SERPINH1: variants seen among roughly 807,000 people sequenced by gnomAD.
SERPINH1 encodes the protein serpin H1.
A neutral mutation model predicts 32.3 loss-of-function variants in SERPINH1; 22 were observed. The ratio of observed to expected loss-of-function variants is 0.68; its 90% CI spans 0.49 to 0.97. SERPINH1 has a LOEUF of 0.97. Among genes scored for constraint, SERPINH1 ranks in the 50% least tolerant of loss-of-function variants. SERPINH1 has a pLI of 0.00. For missense variants in SERPINH1, 543 were observed against 576.4 expected (o/e 0.94, Z 0.59); for synonymous variants, 251 against 245.9 (o/e 1.02, Z -0.19).
At position 75,568,772 on chromosome 11, in the gene SERPINH1, C is replaced by A. The variant is rs747743316; in HGVS notation, c.664C>A (p.Arg222Ser). 1 of 1,613,800 alleles carries A rather than the reference C, an allele frequency of 6.2e-7. No individual in the cohort carries two copies. Among genetic ancestry groups the A allele is most frequent in the South Asian group, 1.1e-5 (1 of 91,056 alleles). Reference protein sequence around the residue: ...EKFHHKMVDNRGFMVTRSYTV... With the variant: ...EKFHHKMVDNSGFMVTRSYTV... Reference sequence around the variant, plus strand: ...ATTCCACCACAAGATGGTGGACAACCGTGGCTTCATGGTGACTCGGTCCTA... The same window carrying A: ...ATTCCACCACAAGATGGTGGACAACAGTGGCTTCATGGTGACTCGGTCCTA... The change falls in exon 3 of 5, where the codon CGT becomes AGT. Residue 222 changes from arginine (R) to serine (S), a missense_variant. Physicochemically the swap from Arg to Ser is moderately radical, Grantham distance 110 (BLOSUM62 -1). Transcript: ENST00000358171.
intron 4 of SERPINH1, 79 bp from the exon 5 acceptor site, chr11:75,571,702 G>T: frequency 7.4e-7 from 1 of 1,351,996 alleles, no homozygotes; most frequent in South Asian, 1.2e-5. Context: ...AGCGGTCAGG[G>T]TAGTATGGGG....
At chr11:75,567,793 T>C (rs1942117090) in intron 2 of SERPINH1, 1 of 152,194 alleles carries the variant, frequency 6.6e-6, no homozygotes, top group South Asian at 2.1e-4. Context: ...AGTACCTCCA[T>C]AGACAACACT....
Position 75,568,823 on chromosome 11 carries a change from C to T in SERPINH1, c.715C>T (p.Arg239Trp), listed in dbSNP as rs767729275. The change falls in exon 3 of 5, where the codon CGG becomes TGG. Residue 239 changes from arginine (R) to tryptophan (W), a missense_variant. This residue lies in a region of SERPINH1 where 427 missense variants were observed against 446.4 expected (regional missense o/e 0.96). Coordinates refer to ENST00000358171, the MANE Select transcript of SERPINH1 (RefSeq NM_001235.5). ...TACCGTGGGTGTCATGATGATGCAC[C>T]GGACAGGTAGGTGCTGTGAGGAGCA... ...SYTVGVMMMH[R>W]TGLYNYYDDE... 8 of 1,613,056 alleles carry T rather than the reference C, an allele frequency of 5.0e-6. No individual in the cohort carries two copies. The highest frequency in any genetic ancestry group is 4.5e-5 in the East Asian group (2 of 44,884).
At chr11:75,571,093 G>A (rs1279577802) in intron 4 of SERPINH1, among the ~76,000 whole-genome samples, 6 of 152,154 alleles carry the variant, frequency 3.9e-5, no homozygotes, top group Admixed American at 1.3e-4. Flanking sequence ...GTGTGTGTGT[G>A]TGTATGTGTG....
chr11:75,571,473 C>G (rs1053876270), intron 4 of SERPINH1, among the ~76,000 whole-genome samples: 1 of 152,090 alleles, frequency 6.6e-6, no homozygotes, highest in Non-Finnish European at 1.5e-5. Flanking sequence ...GAGATAAGCT[C>G]CTGGGTGGTG....
chr11:75,571,727 G>C, intron 4 of SERPINH1, 54 bp from the exon 5 acceptor site: 1 of 1,554,158 alleles, frequency 6.4e-7, no homozygotes, highest in South Asian at 1.1e-5. Flanking sequence ...GGGTTTGAGG[G>C]TGGAGGAGCC....
chr11:75,572,297 C>T lies in SERPINH1; in HGVS notation c.*214C>T, dbSNP rs1453159973. 3.2e-6 allele frequency: 2 copies of T among 618,432 alleles called. No homozygotes were observed. Among genetic ancestry groups the T allele is most frequent in the Non-Finnish European group, 5.8e-6 (2 of 343,370 alleles). 38.3% of individuals were successfully genotyped at this position (618,432 alleles called of 1,614,324 possible). On this transcript the variant is annotated 3_prime_UTR_variant, in exon 5 of 5. Transcript: ENST00000358171. ...GGGCCCCAGATACCATGATGCTGAG[C>T]CCGGAAACTCCACATCCTGTGGGAC...
At chr11:75,562,718 C>G (rs1400440608) in intron 1 of SERPINH1, 1 of 152,382 alleles carries the variant, frequency 6.6e-6, no homozygotes, top group Non-Finnish European at 1.5e-5. Context: ...TGCCTCTTCC[C>G]GCAAGGGTAG....
At chr11:75,562,380 T>G in intron 1 of SERPINH1, 61 bp downstream of exon 1, 2 of 150,312 alleles carry the variant, frequency 1.3e-5, no homozygotes, top group Admixed American at 6.6e-5. Flanking sequence ...AATCTGGGGG[T>G]GCGCGAGGGA....
intron 1 of SERPINH1, among the ~76,000 whole-genome samples, chr11:75,564,946 C>T (rs1448282332): frequency 6.6e-6 from 1 of 152,222 alleles, no homozygotes; most frequent in Non-Finnish European, 1.5e-5. Context: ...TTCAAATGTT[C>T]GGTCTTCTTC....
intron 3 of SERPINH1, 23 bp from the exon 4 acceptor site, chr11:75,568,916 T>G (rs557739452): frequency 1.2e-6 from 2 of 1,611,842 alleles, no homozygotes; most frequent in Admixed American, 3.3e-5. Context: ...GGGTGCCCAG[T>G]GTCCTTTCCG....
chr11:75,572,213 C>A lies in SERPINH1; in HGVS notation c.*130C>A, dbSNP rs911870586. On this transcript the variant is annotated 3_prime_UTR_variant, in exon 5 of 5. Transcript: ENST00000358171. ...CATGGGGTGGGGGTGGAAAAACAGA[C>A]CGGGGTTCCCGTGTGCCTGAGCGGA... 1.5e-5 allele frequency: 13 copies of A among 879,204 alleles called. No individual in the cohort carries two copies. The African/African-American group carries it at 2.0e-4, about 13-fold the overall frequency. 54.5% of individuals were successfully genotyped at this position (879,204 alleles called of 1,614,324 possible).
chr11:75,571,308 C>A (rs1942191362), intron 4 of SERPINH1, among the ~76,000 whole-genome samples: 1 of 152,088 alleles, frequency 6.6e-6, no homozygotes, highest in South Asian at 2.1e-4. Context: ...GGTTTTCAGC[C>A]CCAGAGTGAT....
intron 2 of SERPINH1, among the ~76,000 whole-genome samples, chr11:75,567,467 G>A (rs1316455119): frequency 6.6e-6 from 1 of 152,194 alleles, no homozygotes; most frequent in South Asian, 2.1e-4. Flanking sequence ...GGTTACAGGT[G>A]CCTACCACCA....
intron 4 of SERPINH1, among the ~76,000 whole-genome samples, chr11:75,570,194 C>T (rs962840169): frequency 1.7e-4 from 26 of 152,174 alleles, no homozygotes; most frequent in African/African-American, 6.3e-4. Context: ...AAAAAGGAAA[C>T]TTTCGTGTCA....
rs1592205663 is a variant in SERPINH1, at chr11:75,571,861, C to T, written c.1035C>T (p.Asp345=). The T allele has an allele frequency of 6.2e-7, 1 of 1,614,212 alleles. No individual in the cohort carries two copies. Among genetic ancestry groups the T allele is most frequent in the Non-Finnish European group, 8.5e-7 (1 of 1,180,032 alleles). ...ADLSRMSGKK[D]LYLASVFHAT... is the part of the protein sequence containing the mutation. Reference sequence around the variant, plus strand: ...TGTCACGCATGTCAGGCAAGAAGGACCTGTACCTGGCCAGCGTGTTCCACG... The same window carrying T: ...TGTCACGCATGTCAGGCAAGAAGGATCTGTACCTGGCCAGCGTGTTCCACG... The change falls in exon 5 of 5, where the codon GAC becomes GAT. Residue 345 remains aspartate (D), a synonymous_variant. Transcript: ENST00000358171.
In SERPINH1 at chr11:75,568,962, G is replaced by A. The variant is rs1296984761; in HGVS notation, c.745G>A (p.Glu249Lys). 4 of 1,613,878 alleles carry A rather than the reference G, an allele frequency of 2.5e-6. No individual in the cohort carries two copies. In the African/African-American group the frequency reaches 4.0e-5, roughly 16 times the overall value. The change falls in exon 4 of 5, where the codon GAG becomes AAG. Residue 249 changes from glutamate (E) to lysine (K), a missense_variant. Coordinates refer to ENST00000358171, the MANE Select transcript of SERPINH1 (RefSeq NM_001235.5). ...RTGLYNYYDDEKEKLQIVEMP... is the reference protein window; with the variant it reads ...RTGLYNYYDDKKEKLQIVEMP... ...AGGCCTCTACAACTACTACGACGAC[G>A]AGAAGGAAAAGCTGCAAATCGTGGA... is the stretch of plus-strand genomic sequence containing the variant.
At chr11:75,565,458 T>A (rs1295046863) in intron 1 of SERPINH1, among the ~76,000 whole-genome samples, 1 of 152,062 alleles carries the variant, frequency 6.6e-6, no homozygotes, top group Non-Finnish European at 1.5e-5. Flanking sequence ...TCAAAGGAGT[T>A]GGTCCCCCAG....
intron 2 of SERPINH1, chr11:75,568,516 G>A (rs776557469): frequency 9.6e-6 from 6 of 621,870 alleles, no homozygotes; most frequent in Non-Finnish European, 1.8e-5. Context: ...GTAGGGAACC[G>A]CATCCTCAGA....
Sources: allele counts gnomAD v4.1 joint callset (sites outside exome capture counted in the v4.1 genomes callset), GRCh38; gene constraint gnomAD v4.1.1; regional missense constraint gnomAD v4.1.1; transcripts MANE v1.5; gene names NCBI Gene and HGNC (gene_info 2026-07-23, HGNC 2026-07-21).